Variants in GRIN2B observed in about 807,000 individuals in gnomAD.
GRIN2B encodes glutamate receptor ionotropic, NMDA 2B.
GRIN2B carries 5 observed loss-of-function variants against 114.5 expected under a neutral mutation model. The observed-to-expected ratio is 0.04, with a 90% confidence interval of 0.02 to 0.09. The LOEUF is 0.09. GRIN2B is among the 10% of genes least tolerant of loss of function. GRIN2B has a pLI of 1.00. For missense variants in GRIN2B, 1,108 were observed against 1,943.5 expected (o/e 0.57, Z 8.08); for synonymous variants, 787 against 745.1 (o/e 1.06, Z -0.92).
At chr12:13,707,468 A>C (rs1186615206) in intron 4 of GRIN2B, among the ~76,000 whole-genome samples, 1 of 152,158 alleles carries the variant, frequency 6.6e-6, no homozygotes, top group African/African-American at 2.4e-5. Flanking sequence ...ACTCATAGAG[A>C]TGCCCATTTG....
intron 3 of GRIN2B, among the ~76,000 whole-genome samples, chr12:13,812,537 A>G (rs1371517134): frequency 2.0e-5 from 3 of 152,134 alleles, no homozygotes; most frequent in Non-Finnish European, 2.9e-5. Flanking sequence ...CATGAGCAAA[A>G]TTCTGCTACA....
chr12:13,883,104 C>T (rs1443861976), intron 2 of GRIN2B, among the ~76,000 whole-genome samples: 2 of 152,146 alleles, frequency 1.3e-5, no homozygotes, highest in Non-Finnish European at 2.9e-5. Flanking sequence ...CTTTTTATTG[C>T]TGAGTAATAT....
At chr12:13,885,158 C>T (rs1049123952) in intron 2 of GRIN2B, among the ~76,000 whole-genome samples, 1 of 152,090 alleles carries the variant, frequency 6.6e-6, no homozygotes, top group Non-Finnish European at 1.5e-5. Context: ...CAAAAGTGTT[C>T]CCTACACCAA....
chr12:13,609,205 T>A (rs373515175), intron 9 of GRIN2B, among the ~76,000 whole-genome samples: 12 of 152,310 alleles, frequency 7.9e-5, no homozygotes, highest in African/African-American at 2.9e-4. Flanking sequence ...ACTTGGGTCA[T>A]GTCTGTCATT....
intron 5 of GRIN2B, among the ~76,000 whole-genome samples, chr12:13,666,351 G>A (rs368329310): frequency 1.2e-3 from 185 of 152,230 alleles, no homozygotes; most frequent in African/African-American, 4.2e-3. Flanking sequence ...AAGGACACCT[G>A]GCCACAGAAG....
In GRIN2B at chr12:13,553,871, C is replaced by G. The variant is rs912365361; in HGVS notation, c.*8912G>C. On this transcript the variant is annotated 3_prime_UTR_variant, in exon 14 of 14. Transcript: ENST00000609686. ...GAACACATGTAGTGTTCCAAGTACA[C>G]TTTCCTAACCATAAAACAGTCCAAA... 1 of 152,176 alleles carries G rather than the reference C, an allele frequency of 6.6e-6. No individual in the cohort carries two copies. The highest frequency in any genetic ancestry group is 2.4e-5 in the African/African-American group (1 of 41,438). 9.4% of individuals were successfully genotyped at this position (152,176 alleles called of 1,614,324 possible).
intron 2 of GRIN2B, among the ~76,000 whole-genome samples, chr12:13,909,279 G>C (rs1866593370): frequency 6.6e-6 from 1 of 152,196 alleles, no homozygotes; most frequent in African/African-American, 2.4e-5. Context: ...AATAACCGCA[G>C]CAAAGAAAGA....
At chr12:13,955,428 G>T (rs149669771) in intron 2 of GRIN2B, among the ~76,000 whole-genome samples, 1 of 152,156 alleles carries the variant, frequency 6.6e-6, no homozygotes, top group Non-Finnish European at 1.5e-5. Flanking sequence ...CTCACCACAC[G>T]TCTGCAGCAG....
chr12:13,680,436 TTGTGTGTGTGTGTGTGTGTGTGTGTGTG>T (rs56755720), intron 4 of GRIN2B, among the ~76,000 whole-genome samples: 1 of 123,480 alleles, frequency 8.1e-6, no homozygotes, highest in African/African-American at 3.0e-5. Context: ...CCCATCAAGG[TTGTGTGTGTGTGTGTGTGTGTGTGTGTG>T]TGTGTGTGTG....
intron 5 of GRIN2B, among the ~76,000 whole-genome samples, chr12:13,674,532 A>T (rs994748652): frequency 6.6e-6 from 1 of 152,132 alleles, no homozygotes; most frequent in African/African-American, 2.4e-5. Context: ...TCACACATTC[A>T]CATAACTAGC....
chr12:13,747,901 C>G (rs1863414667), intron 4 of GRIN2B, among the ~76,000 whole-genome samples: 1 of 152,156 alleles, frequency 6.6e-6, no homozygotes. Context: ...TCAGCACTTT[C>G]CAGGCCAAGA....
In GRIN2B at chr12:13,876,052, G is replaced by T. The variant is rs374403228; in HGVS notation, c.-18-9826C>A. ...ATCAGGAGAGTAATGAGCTAAGGACGAACAGATAAGTAGGAAATAGTAGTG... is the reference window on the plus strand; with the variant it reads ...ATCAGGAGAGTAATGAGCTAAGGACTAACAGATAAGTAGGAAATAGTAGTG... On this transcript the variant is annotated intron_variant, in intron 2 of 13. Transcript: ENST00000609686. Among the ~76,000 whole-genome samples the T allele has an allele frequency of 5.3e-5, 8 of 152,302 alleles. No homozygotes were observed. The South Asian group carries it at 1.0e-3, about 20-fold the overall frequency.
chr12:13,791,788 T>G (rs1864326625), intron 3 of GRIN2B, among the ~76,000 whole-genome samples: 1 of 152,232 alleles, frequency 6.6e-6, no homozygotes, highest in African/African-American at 2.4e-5. Flanking sequence ...ATTTAATATT[T>G]ATCTCTTCTT....
At chr12:13,680,396 C>T (rs1179440644) in intron 4 of GRIN2B, among the ~76,000 whole-genome samples, 3 of 150,946 alleles carry the variant, frequency 2.0e-5, no homozygotes, top group African/African-American at 7.3e-5. Context: ...TGCAGAAGTT[C>T]TGCCCATGAG....
intron 13 of GRIN2B, among the ~76,000 whole-genome samples, chr12:13,566,472 T>C (rs185138471): frequency 6.6e-6 from 1 of 152,350 alleles, no homozygotes; most frequent in Admixed American, 6.5e-5. Context: ...CCTAAGAGTT[T>C]TACTCTTGCT....
intron 5 of GRIN2B, among the ~76,000 whole-genome samples, chr12:13,658,957 C>T (rs1231017009): frequency 6.6e-6 from 1 of 152,104 alleles, no homozygotes; most frequent in South Asian, 2.1e-4. Flanking sequence ...TCCACTCTCT[C>T]CTCTTACCCT....
chr12:13,955,909 A>C (rs1867582253), intron 2 of GRIN2B, among the ~76,000 whole-genome samples: 1 of 152,188 alleles, frequency 6.6e-6, no homozygotes, highest in African/African-American at 2.4e-5. Context: ...GCATGGTGGC[A>C]CCAGACGCGT....
At chr12:13,610,445 C>T (rs771609545) in intron 9 of GRIN2B, among the ~76,000 whole-genome samples, 3 of 152,172 alleles carry the variant, frequency 2.0e-5, no homozygotes, top group Admixed American at 6.5e-5. Flanking sequence ...AGTATATACT[C>T]ATGTGATTCC....
intron 3 of GRIN2B, among the ~76,000 whole-genome samples, chr12:13,852,512 A>G (rs750898550): frequency 3.9e-5 from 6 of 152,168 alleles, no homozygotes; most frequent in Non-Finnish European, 7.3e-5. Context: ...CTATCAAAAG[A>G]AAAGGATGCC....
Sources: gnomAD v4.1 joint callset for allele counts (sites outside exome capture counted in the v4.1 genomes callset) on GRCh38, gnomAD v4.1.1 for gene constraint, MANE v1.5 for transcripts, NCBI Gene and HGNC (gene_info 2026-07-23, HGNC 2026-07-21) for gene names.